The following AUTS2 variants were observed in gnomAD, a reference collection of about 807,000 sequenced individuals.
AUTS2 encodes the protein autism susceptibility gene 2 protein.
In AUTS2, 17 loss-of-function variants were observed where a neutral mutation model predicts 112.4. That is an observed-to-expected ratio of 0.15 (90% confidence interval 0.10 to 0.23). AUTS2 has a LOEUF of 0.23. AUTS2 is among the 10% of genes least tolerant of loss of function. The pLI, the probability that AUTS2 is intolerant of heterozygous loss-of-function variation, is 1.00. For synonymous variants in AUTS2, 751 were observed against 702.7 expected (o/e 1.07, Z -1.09); for missense variants, 1,510 against 1,701.6 (o/e 0.89, Z 1.98).
At chr7:70,391,732 T>C (rs1793869589) in intron 4 of AUTS2, among the ~76,000 whole-genome samples, 1 of 152,208 alleles carries the variant, frequency 6.6e-6, no homozygotes, top group African/African-American at 2.4e-5. Context: ...TGACACCTAC[T>C]ACGTGGCATA....
chr7:70,755,866 C>T (rs929659606), intron 6 of AUTS2, among the ~76,000 whole-genome samples: 2 of 151,814 alleles, frequency 1.3e-5, no homozygotes, highest in Non-Finnish European at 2.9e-5. Flanking sequence ...TTACTAATTA[C>T]AGTAAATAAT....
intron 1 of AUTS2, among the ~76,000 whole-genome samples, chr7:69,852,231 T>C (rs1331107129): frequency 6.6e-6 from 1 of 152,196 alleles, no homozygotes; most frequent in Admixed American, 6.5e-5. Flanking sequence ...TTTTTGAATA[T>C]TGAACCAGCT....
At chr7:70,109,625 A>T (rs564000684) in intron 2 of AUTS2, among the ~76,000 whole-genome samples, 4 of 152,338 alleles carry the variant, frequency 2.6e-5, no homozygotes, top group African/African-American at 9.6e-5. Flanking sequence ...GCTTACTACG[A>T]TAAAGGGTTA....
At chr7:70,330,568 C>A (rs945947626) in intron 4 of AUTS2, among the ~76,000 whole-genome samples, 1 of 152,088 alleles carries the variant, frequency 6.6e-6, no homozygotes, top group African/African-American at 2.4e-5. Context: ...ATAAGTCTTC[C>A]AACTTTTTTC....
intron 4 of AUTS2, among the ~76,000 whole-genome samples, chr7:70,209,462 T>C (rs975325630): frequency 1.3e-5 from 2 of 152,116 alleles, no homozygotes; most frequent in Non-Finnish European, 2.9e-5. Flanking sequence ...GAGGTATAAA[T>C]GTGAAAACCA....
intron 3 of AUTS2, chr7:70,119,816 A>C (rs1264569829): frequency 3.3e-5 from 5 of 152,202 alleles, no homozygotes; most frequent in Non-Finnish European, 7.3e-5. Context: ...ATGTAATAAG[A>C]AGCAAAATCT....
intron 4 of AUTS2, among the ~76,000 whole-genome samples, chr7:70,311,531 C>T (rs986456881): frequency 2.6e-5 from 4 of 152,126 alleles, no homozygotes; most frequent in Non-Finnish European, 5.9e-5. Context: ...GGGGAAATCT[C>T]TTTTTGTTGT....
chr7:70,763,797 A>G lies in AUTS2; in HGVS notation c.1214+456A>G, dbSNP rs113787942. On this transcript the variant is annotated intron_variant, in intron 7 of 18. Transcript: ENST00000342771. ...AAGGCAGGAAGATTGGGACCTGATG[A>G]GTATTCCAGCTTAAGGATTTTTTTT... Among the ~76,000 whole-genome samples, 347 of 152,274 alleles carry G rather than the reference A, an allele frequency of 2.3e-3. 2 individuals carry two copies. The highest frequency in any genetic ancestry group is 7.7e-3 in the South Asian group (37 of 4,822).
At chr7:70,789,621 C>A in intron 18 of AUTS2, 127 bp from the exon 19 acceptor site, 1 of 1,162,058 alleles carries the variant, frequency 8.6e-7, no homozygotes, top group Non-Finnish European at 1.2e-6. Flanking sequence ...CGGCTGCTGC[C>A]TTGGCGACCA....
At position 70,790,802 on chromosome 7, in the gene AUTS2, C is replaced by G; in HGVS notation, c.3586C>G (p.Arg1196Gly). ...GGGACTCCCCAGCATGCACTATCCC[C>G]GCATCAGCCCCACCGCGGGCAACCA... The part of the protein sequence containing the change: ...TPGLPSMHYP[R>G]ISPTAGNQNG... Residue 1196 changes from arginine (R) to glycine (G), a missense_variant, in exon 19 of 19, where the codon CGC becomes GGC. By Grantham distance (125) the Arg-to-Gly change is moderately radical. This residue lies in a region of AUTS2 where 788 missense variants were observed against 797.6 expected (regional missense o/e 0.99). Transcript: ENST00000342771. The surrounding 1 kb of genome is among the most constrained non-coding windows in gnomAD (Gnocchi z 7.6). 1 of 1,608,762 alleles carries G rather than the reference C, an allele frequency of 6.2e-7. No individual in the cohort carries two copies. Among genetic ancestry groups the G allele is most frequent in the Non-Finnish European group, 8.5e-7 (1 of 1,176,720 alleles).
chr7:69,998,371 AT>A (rs1383650469), intron 2 of AUTS2, among the ~76,000 whole-genome samples: 2 of 152,030 alleles, frequency 1.3e-5, no homozygotes, highest in African/African-American at 2.4e-5. Flanking sequence ...AAAAAAAAAA[AT>A]CATCTGTAAT....
intron 2 of AUTS2, among the ~76,000 whole-genome samples, chr7:70,060,416 T>C (rs1802188876): frequency 6.6e-6 from 1 of 152,192 alleles, no homozygotes; most frequent in Non-Finnish European, 1.5e-5. Context: ...GAAATGCAGA[T>C]TGTTAGACTC....
chr7:70,120,861 A>T (rs982196844), intron 3 of AUTS2, among the ~76,000 whole-genome samples: 31 of 152,212 alleles, frequency 2.0e-4, no homozygotes, highest in Admixed American at 2.0e-3. Flanking sequence ...TCTCAAATAC[A>T]TATGAAATGG....
At chr7:69,999,296 G>A (rs995679228) in intron 2 of AUTS2, among the ~76,000 whole-genome samples, 1 of 152,104 alleles carries the variant, frequency 6.6e-6, no homozygotes, top group Non-Finnish European at 1.5e-5. Context: ...TGAAGGCATG[G>A]ATTGTAGGCC....
chr7:70,515,181 C>T (rs1406104644), intron 5 of AUTS2, among the ~76,000 whole-genome samples: 5 of 152,094 alleles, frequency 3.3e-5, no homozygotes, highest in Non-Finnish European at 7.4e-5. Flanking sequence ...AGTGGGGAGC[C>T]GTTGAGGGTT....
intron 1 of AUTS2, among the ~76,000 whole-genome samples, chr7:69,828,484 G>C (rs973322558): frequency 2.0e-5 from 3 of 152,124 alleles, no homozygotes; most frequent in Non-Finnish European, 4.4e-5. Flanking sequence ...GAATTGATCA[G>C]CCTGAGTCCA....
intron 2 of AUTS2, among the ~76,000 whole-genome samples, chr7:70,005,313 C>T (rs534131681): frequency 5.3e-5 from 8 of 152,114 alleles, no homozygotes; most frequent in Admixed American, 4.6e-4. Flanking sequence ...ACTTTTGTGT[C>T]ACAAAAGTAA....
In AUTS2 at chr7:69,879,849, G is replaced by GAGT. The variant is rs1291538865; in HGVS notation, c.310-19436_310-19434dup. On this transcript the variant is annotated intron_variant, in intron 1 of 18. Coordinates refer to ENST00000342771, the MANE Select transcript of AUTS2 (RefSeq NM_015570.4). ...AGGTCTTACCCTGTCACTCAGGCTG[G>GAGT]AGTGCAGTGGTGTGATCATAGGTTG... Among the ~76,000 whole-genome samples, 3 of 152,080 alleles carry GAGT rather than the reference G, an allele frequency of 2.0e-5. No individual in the cohort carries two copies. The East Asian group carries it at 5.8e-4, about 29-fold the overall frequency.
chr7:70,473,981 C>G lies in AUTS2; in HGVS notation c.690+38200C>G, dbSNP rs988278070. 1.3e-5 allele frequency among the ~76,000 whole-genome samples: 2 copies of G among 152,126 alleles called. 1 individual carries two copies. The highest frequency in any genetic ancestry group is 1.3e-4 in the Admixed American group (2 of 15,280). ...CAAGCGTGGCAGAGGAGAGAGACTT[C>G]CCATGTGTTAAAAATCTGCTAAACT... On this transcript the variant is annotated intron_variant, in intron 5 of 18. Transcript: ENST00000342771.
Sources: allele counts gnomAD v4.1 joint callset (sites outside exome capture counted in the v4.1 genomes callset), GRCh38; gene constraint gnomAD v4.1.1; regional missense constraint gnomAD v4.1.1; non-coding constraint Gnocchi (gnomAD v3.1); transcripts MANE v1.5; gene names NCBI Gene and HGNC (gene_info 2026-07-23, HGNC 2026-07-21).